Variants in RGL3 observed in about 807,000 individuals in gnomAD.
RGL3 encodes ral guanine nucleotide dissociation stimulator-like 3.
A neutral mutation model predicts 90.6 loss-of-function variants in RGL3; 85 were observed. The ratio of observed to expected loss-of-function variants is 0.94; its 90% CI spans 0.79 to 1.12. The LOEUF is 1.12. Among genes scored for constraint, RGL3 ranks in the 50% most tolerant of loss-of-function variants. The pLI, the probability that RGL3 is intolerant of heterozygous loss-of-function variation, is 0.00. For synonymous variants in RGL3, 408 were observed against 385.5 expected, an observed-to-expected ratio of 1.06 and a Z score of -0.68; for missense variants, 1,034 against 939.2, an observed-to-expected ratio of 1.10 and a Z score of -1.32.
At chr19:11,395,872 C>A (rs565473020) in intron 18 of RGL3, among the ~76,000 whole-genome samples, 2 of 151,420 alleles carry the variant, frequency 1.3e-5, no homozygotes, top group East Asian at 3.9e-4. Context: ...CGTGATCCAC[C>A]CGCCTCGGCC....
intron 5 of RGL3, among the ~76,000 whole-genome samples, chr19:11,409,127 C>T (rs1020643202): frequency 6.6e-6 from 1 of 151,134 alleles, no homozygotes; most frequent in African/African-American, 2.4e-5. Context: ...TGAGCCAGGT[C>T]CACGCCACGG....
intron 18 of RGL3, 50 bp from the exon 19 acceptor site, chr19:11,394,570 C>T (rs766504206): frequency 2.1e-6 from 3 of 1,427,438 alleles, no homozygotes; most frequent in South Asian, 1.1e-5. Flanking sequence ...CCTTGTGTCA[C>T]CCCCACAGAG....
At chr19:11,414,987 G>A (rs117361956) in intron 5 of RGL3, among the ~76,000 whole-genome samples, 1,736 of 151,892 alleles carry the variant, frequency 0.011, 22 homozygotes, top group Middle Eastern at 0.031. Flanking sequence ...AAAATTAGCC[G>A]GGCGTGGTGA....
intron 2 of RGL3, 128 bp downstream of exon 2, chr19:11,418,543 C>T: frequency 1.5e-6 from 1 of 684,176 alleles, no homozygotes; most frequent in South Asian, 1.9e-5. Context: ...CTGGTCGCCT[C>T]ATCTGGTCGC....
intron 5 of RGL3, among the ~76,000 whole-genome samples, chr19:11,408,561 G>A (rs977423493): frequency 9.9e-5 from 15 of 151,442 alleles, no homozygotes; most frequent in African/African-American, 3.1e-4. Context: ...ACTCCAGCCT[G>A]GCGACAGAGC....
At chr19:11,411,017 T>C (rs754501067) in intron 5 of RGL3, among the ~76,000 whole-genome samples, 37 of 151,860 alleles carry the variant, frequency 2.4e-4, no homozygotes, top group Admixed American at 7.2e-4. Flanking sequence ...AAGACCAGCC[T>C]GGCCAACATG....
chr19:11,394,712 C>CTCA (rs1968534743), intron 18 of RGL3, 192 bp from the exon 19 acceptor site: 1 of 562,550 alleles, frequency 1.8e-6, no homozygotes, highest in Non-Finnish European at 3.2e-6. Flanking sequence ...CTTGCACCAC[C>CTCA]TCATGCCTTC....
chr19:11,406,608 G>A lies in RGL3; in HGVS notation c.807C>T (p.Tyr269=), dbSNP rs775121152. ...GCGACCACACGGAGCCCAAGCACTC[G>A]TAGAGCCTCACCTTGGAGAAGAGCT... ...DLELFSKVRL[Y]ECLGSVWSQR... The change falls in exon 7 of 19, where the codon TAC becomes TAT. Residue 269 remains tyrosine (Y), a synonymous_variant. Coordinates refer to ENST00000380456, the MANE Select transcript of RGL3 (RefSeq NM_001035223.4). 4 of 1,555,162 alleles carry A rather than the reference G, an allele frequency of 2.6e-6. No homozygotes were observed. In the East Asian group the frequency reaches 7.2e-5, roughly 28 times the overall value.
At chr19:11,418,534 T>G (rs1032689738) in intron 2 of RGL3, 137 bp downstream of exon 2, 4 of 614,224 alleles carry the variant, frequency 6.5e-6, no homozygotes, top group Non-Finnish European at 1.1e-5. Flanking sequence ...CCTTTCTACC[T>G]GGTCGCCTCA....
chr19:11,416,163 A>C lies in RGL3; in HGVS notation c.426-15T>G. The C allele has an allele frequency of 6.6e-7, 1 of 1,514,902 alleles. No individual in the cohort carries two copies. Among genetic ancestry groups the C allele is most frequent in the Non-Finnish European group, 8.8e-7 (1 of 1,134,962 alleles). 93.8% of individuals were successfully genotyped at this position (1,514,902 alleles called of 1,614,324 possible). ...ACACCACAGCCCTGGCCAGAGAGGC[A>C]GGGTCTCAGAGCTGGGTCCAGAGTG... is the stretch of plus-strand genomic sequence containing the variant. On this transcript the variant is annotated splice_polypyrimidine_tract_variant and intron_variant, in intron 4 of 18. Transcript: ENST00000380456.
intron 5 of RGL3, among the ~76,000 whole-genome samples, chr19:11,412,714 C>T (rs1968894553): frequency 6.6e-6 from 1 of 152,028 alleles, no homozygotes; most frequent in South Asian, 2.1e-4. Flanking sequence ...CGCCTGTAAT[C>T]CCAGCACTTT....
chr19:11,404,946 A>C (rs1339969324), intron 9 of RGL3, among the ~76,000 whole-genome samples: 1 of 152,156 alleles, frequency 6.6e-6, no homozygotes, highest in Non-Finnish European at 1.5e-5. Flanking sequence ...TAAATAGGGC[A>C]GTCACTGACA....
At chr19:11,405,070 G>T in intron 9 of RGL3, 77 bp downstream of exon 9, 3 of 1,151,180 alleles carry the variant, frequency 2.6e-6, no homozygotes, top group South Asian at 1.2e-5. Flanking sequence ...ATAGCAGGGA[G>T]ATTACCCCTG....
rs746008565 is a variant in RGL3, at chr19:11,399,899, C to T, written c.1702G>A (p.Gly568Ser). The T allele has an allele frequency of 2.2e-5, 34 of 1,522,942 alleles. No homozygotes were observed. Among genetic ancestry groups the T allele is most frequent in the Non-Finnish European group, 2.5e-5 (29 of 1,139,324 alleles). 94.3% of individuals were successfully genotyped at this position (1,522,942 alleles called of 1,614,324 possible). A position where few individuals can be genotyped will look rare whatever the true frequency, so the allele number is the denominator to read the frequency against. The change falls in exon 16 of 19, where the codon GGC (glycine) becomes AGC (serine). Residue 568 changes from glycine (G) to serine (S), a missense_variant. Transcript: ENST00000380456. Reference sequence around the variant, plus strand: ...GGCCCTGGAGAGGCCGGGGGACTGCCAGCAGGAGCATCTCTGCTTCTAGGA... The same window carrying T: ...GGCCCTGGAGAGGCCGGGGGACTGCTAGCAGGAGCATCTCTGCTTCTAGGA... ...SSPRSRDAPA[G>S]SPPASPGPQG...
intron 5 of RGL3, among the ~76,000 whole-genome samples, chr19:11,413,566 C>A (rs1231512706): frequency 1.4e-5 from 2 of 144,626 alleles, no homozygotes; most frequent in East Asian, 4.1e-4. Context: ...AGGGCAGGGT[C>A]AGGCACAGTA....
Position 11,402,527 on chromosome 19 carries a change from G to T in RGL3, c.1257C>A (p.Gly419=), listed in dbSNP as rs1274560091. 1 of 1,606,382 alleles carries T rather than the reference G, an allele frequency of 6.2e-7. No homozygotes were observed. Among genetic ancestry groups the T allele is most frequent in the Non-Finnish European group, 8.5e-7 (1 of 1,177,764 alleles). The change falls in exon 11 of 19, where the codon GGC becomes GGA. Residue 419 remains glycine, a synonymous_variant. Coordinates refer to ENST00000380456, the MANE Select transcript of RGL3 (RefSeq NM_001035223.4). ...PGSLPSKPPP[G]PVPYLGTFLT... is the part of the protein sequence containing the mutation. The stretch of plus-strand genomic sequence containing the variant: ...GGAAGGTGCCAAGGTAGGGGACAGG[G>T]CCTGGGGGTGGTTTCTGCAGCCCCC...
At position 11,405,996 on chromosome 19, in the gene RGL3, T is replaced by C. The variant is rs1017757421; in HGVS notation, c.996+423A>G. Among the ~76,000 whole-genome samples, 30 of 151,870 alleles carry C rather than the reference T, an allele frequency of 2.0e-4. 1 individual carries two copies. The highest frequency in any genetic ancestry group is 6.8e-4 in the African/African-American group (28 of 41,430). On this transcript the variant is annotated intron_variant, in intron 7 of 18. Transcript: ENST00000380456. ...CCTCCCTCTCCCCAAAGTGCTGGGA[T>C]TACAGGCGTGAGTCACTGCGCCCAG...
intron 16 of RGL3, among the ~76,000 whole-genome samples, chr19:11,398,353 C>CT (rs917138418): frequency 8.3e-4 from 123 of 148,686 alleles, no homozygotes; most frequent in East Asian, 1.2e-3. Context: ...TTTTTCTTTT[C>CT]TTTTTTTTTT....
Position 11,405,148 on chromosome 19 carries a change from T to A in RGL3, c.1184A>T (p.Gln395Leu), listed in dbSNP as rs202223021. ...CCTGGAGTCTGCATCCATCTCTACC[T>A]GGAAAAGAATCTCTCTGCTGCTGAG... ...NHLSSREILF[Q>L]EEATEGSQEE... is the part of the protein sequence containing the mutation. Residue 395 changes from glutamine (Q) to leucine (L), a missense_variant and splice_region_variant, in exon 9 of 19, where the codon CAG (glutamine) becomes CTG (leucine). Transcript: ENST00000380456. The A allele has an allele frequency of 2.5e-6, 4 of 1,613,758 alleles. No individual in the cohort carries two copies. The East Asian group carries it at 8.9e-5, about 36-fold the overall frequency.
Sources: gnomAD v4.1 joint callset for allele counts (sites outside exome capture counted in the v4.1 genomes callset) on GRCh38, gnomAD v4.1.1 for gene constraint, MANE v1.5 for transcripts, NCBI Gene and HGNC (gene_info 2026-07-23, HGNC 2026-07-21) for gene names.